FGF12: variants seen among roughly 807,000 people sequenced by gnomAD.
FGF12 encodes fibroblast growth factor 12, also known as fibroblast growth factor 12B.
Under a neutral mutation model 23.6 loss-of-function variants are expected in FGF12, and 14 were observed. The ratio of observed to expected loss-of-function variants is 0.59; its 90% CI spans 0.39 to 0.93. FGF12 has a LOEUF of 0.93. Among genes scored for constraint, FGF12 ranks in the 40% least tolerant of loss-of-function variants. The probability of loss-of-function intolerance (pLI) is 0.00; values close to 1 mark genes in which losing one functional copy is unlikely to be tolerated. For synonymous variants in FGF12, 62 were observed against 77.3 expected (o/e 0.80, Z 1.04); for missense variants, 175 against 217.8 (o/e 0.80, Z 1.24).
rs191472546 is a variant in FGF12, at chr3:192,221,468, C to T, written c.229-50812G>A. Reference sequence around the variant, plus strand: ...ATTATACCTGTAAGCACCATGACAGCGCAGGGATGTGATCAGTATCTTTAT... The same window carrying T: ...ATTATACCTGTAAGCACCATGACAGTGCAGGGATGTGATCAGTATCTTTAT... On this transcript the variant is annotated intron_variant, in intron 4 of 5. Coordinates refer to ENST00000445105, the MANE Select transcript of FGF12 (RefSeq NM_004113.6). Among the ~76,000 whole-genome samples, 441 of 152,208 alleles carry T rather than the reference C, an allele frequency of 2.9e-3. 4 individuals are homozygous for T. The highest frequency in any genetic ancestry group is 7.8e-3 in the African/African-American group (326 of 41,544).
chr3:192,309,466 G>C (rs1715823643), intron 4 of FGF12, among the ~76,000 whole-genome samples: 1 of 152,180 alleles, frequency 6.6e-6, no homozygotes, highest in Admixed American at 6.5e-5. Flanking sequence ...ATGGGAACTG[G>C]AAGATAAGTC....
intron 2 of FGF12, among the ~76,000 whole-genome samples, chr3:192,560,835 G>GA (rs1170168592): frequency 6.6e-6 from 1 of 151,810 alleles, no homozygotes; most frequent in African/African-American, 2.4e-5. Context: ...ACCTATTACT[G>GA]AAAAAAAGGC....
intron 2 of FGF12, among the ~76,000 whole-genome samples, chr3:192,394,361 G>C (rs1484712604): frequency 6.6e-6 from 1 of 152,098 alleles, no homozygotes; most frequent in Non-Finnish European, 1.5e-5. Context: ...ATATACAACA[G>C]AGAAGCTAAT....
intron 3 of FGF12, among the ~76,000 whole-genome samples, chr3:192,341,307 A>G (rs887268178): frequency 6.6e-6 from 1 of 152,172 alleles, no homozygotes; most frequent in Non-Finnish European, 1.5e-5. Context: ...TTGATTAATC[A>G]TGCTACAGGA....
intron 2 of FGF12, among the ~76,000 whole-genome samples, chr3:192,583,691 C>T (rs1713256178): frequency 6.6e-6 from 1 of 152,164 alleles, no homozygotes; most frequent in Non-Finnish European, 1.5e-5. Context: ...TGACCTGTTT[C>T]CTTGGTGCTT....
chr3:192,506,270 T>C (rs1724291594), intron 2 of FGF12, among the ~76,000 whole-genome samples: 1 of 152,262 alleles, frequency 6.6e-6, no homozygotes, highest in Non-Finnish European at 1.5e-5. Context: ...GTTTCAACAT[T>C]GCTTATCTCA....
intron 2 of FGF12, among the ~76,000 whole-genome samples, chr3:192,568,528 G>A (rs1273935795): frequency 1.3e-5 from 2 of 152,134 alleles, no homozygotes; most frequent in South Asian, 2.1e-4. Context: ...AGTCAAAAGC[G>A]TTCTTGGTCT....
At chr3:192,464,651 A>G (rs1052832843) in intron 2 of FGF12, among the ~76,000 whole-genome samples, 5 of 152,074 alleles carry the variant, frequency 3.3e-5, no homozygotes, top group Non-Finnish European at 5.9e-5. Context: ...TCTTTTTCAC[A>G]TAATGACTTC....
chr3:192,370,971 T>A (rs2108743291), intron 2 of FGF12, among the ~76,000 whole-genome samples: 1 of 152,342 alleles, frequency 6.6e-6, no homozygotes, highest in East Asian at 1.9e-4. Context: ...GGCATTCCCA[T>A]GAAGCCAAAT....
intron 4 of FGF12, among the ~76,000 whole-genome samples, chr3:192,298,435 G>T (rs1459938248): frequency 6.6e-6 from 1 of 152,156 alleles, no homozygotes. Flanking sequence ...AAAATCTGGG[G>T]CTGGGTAATT....
At chr3:192,630,775 G>T (rs953076400) in intron 2 of FGF12, among the ~76,000 whole-genome samples, 26 of 151,094 alleles carry the variant, frequency 1.7e-4, no homozygotes, top group Admixed American at 1.2e-3. Context: ...AGCCAGGATG[G>T]CCTCAATCTC....
chr3:192,283,917 T>G (rs1462381640), intron 4 of FGF12, among the ~76,000 whole-genome samples: 1 of 151,942 alleles, frequency 6.6e-6, no homozygotes, highest in Non-Finnish European at 1.5e-5. Context: ...AGCCTGAAAT[T>G]CTCCTTCTTT....
intron 4 of FGF12, among the ~76,000 whole-genome samples, chr3:192,253,472 T>C (rs1361334118): frequency 6.6e-6 from 1 of 151,264 alleles, no homozygotes; most frequent in Non-Finnish European, 1.5e-5. Flanking sequence ...ATGAAAAAAA[T>C]GGAAAGAGAA....
At chr3:192,518,180 T>C (rs573098449) in intron 2 of FGF12, among the ~76,000 whole-genome samples, 1 of 152,288 alleles carries the variant, frequency 6.6e-6, no homozygotes, top group East Asian at 1.9e-4. Flanking sequence ...GTAGTTGGGA[T>C]TTTTTAAAGT....
intron 2 of FGF12, among the ~76,000 whole-genome samples, chr3:192,420,054 C>T (rs1482905417): frequency 6.6e-6 from 1 of 152,040 alleles, no homozygotes; most frequent in Non-Finnish European, 1.5e-5. Flanking sequence ...CTAGGTTGTT[C>T]GTCAAAACTA....
At chr3:192,551,375 C>G (rs1711524594) in intron 2 of FGF12, among the ~76,000 whole-genome samples, 1 of 152,206 alleles carries the variant, frequency 6.6e-6, no homozygotes, top group Non-Finnish European at 1.5e-5. Flanking sequence ...AGCAAGAAAT[C>G]TTCACAGAGG....
chr3:192,269,517 G>C (rs1713293551), intron 4 of FGF12, among the ~76,000 whole-genome samples: 1 of 152,190 alleles, frequency 6.6e-6, no homozygotes, highest in South Asian at 2.1e-4. Context: ...GTGTAAATTA[G>C]GGACCATAAT....
chr3:192,610,449 G>A (rs1714510154), intron 2 of FGF12, among the ~76,000 whole-genome samples: 1 of 152,040 alleles, frequency 6.6e-6, no homozygotes, highest in African/African-American at 2.4e-5. Context: ...ACAGATCAAA[G>A]GGAAGATTCA....
intron 2 of FGF12, among the ~76,000 whole-genome samples, chr3:192,476,528 G>A (rs1228393439): frequency 6.6e-6 from 1 of 152,198 alleles, no homozygotes; most frequent in East Asian, 1.9e-4. Flanking sequence ...CAGCCTCACA[G>A]CCATCTGTAA....
Sources: gnomAD v4.1 joint callset for allele counts (sites outside exome capture counted in the v4.1 genomes callset) on GRCh38, gnomAD v4.1.1 for gene constraint, MANE v1.5 for transcripts, NCBI Gene and HGNC (gene_info 2026-07-23, HGNC 2026-07-21) for gene names.